MRPS5: variants seen among roughly 807,000 people sequenced by gnomAD.
MRPS5 encodes mitochondrial ribosomal protein S5.
Under a neutral mutation model 51.9 loss-of-function variants are expected in MRPS5, and 27 were observed. That is an observed-to-expected ratio of 0.52 (90% confidence interval 0.38 to 0.72). MRPS5 has a LOEUF of 0.72. Among genes scored for constraint, MRPS5 ranks in the 30% least tolerant of loss-of-function variants. The pLI is 0.00. For synonymous variants in MRPS5, 196 were observed against 193.2 expected (o/e 1.01, Z -0.12); for missense variants, 570 against 545.7 (o/e 1.04, Z -0.44).
At chr2:95,101,621 G>A (rs775482106) in intron 8 of MRPS5, 56 bp downstream of exon 8, 86 of 1,353,002 alleles carry the variant, frequency 6.4e-5, no homozygotes, top group Non-Finnish European at 8.4e-5. Context: ...ACTGTGTCTG[G>A]CATATAACTT....
intron 3 of MRPS5, among the ~76,000 whole-genome samples, chr2:95,113,272 C>T (rs1396638570): frequency 1.5e-4 from 23 of 151,866 alleles, no homozygotes; most frequent in Non-Finnish European, 2.6e-4. Context: ...GTCAGAAGAT[C>T]GAGACCATCC....
intron 10 of MRPS5, among the ~76,000 whole-genome samples, chr2:95,094,299 G>A (rs748838461): frequency 3.3e-5 from 5 of 152,166 alleles, no homozygotes; most frequent in African/African-American, 2.4e-5. Context: ...AACCAAGTTC[G>A]AAAACACTCT....
rs576949849 is a variant in MRPS5, at chr2:95,110,647, C to A, written c.278-606G>T. Among the ~76,000 whole-genome samples, 6 of 152,220 alleles carry A rather than the reference C, an allele frequency of 3.9e-5. No individual in the cohort carries two copies. In the East Asian group the frequency reaches 1.2e-3, roughly 29 times the overall value. The stretch of plus-strand genomic sequence containing the variant: ...TGAGATCCCATCTCTATTAAAACTT[C>A]AAATATTAGCCAGGTGTGATGGCAT... On this transcript the variant is annotated intron_variant, in intron 3 of 11. Coordinates refer to ENST00000272418, the MANE Select transcript of MRPS5 (RefSeq NM_031902.5).
intron 3 of MRPS5, among the ~76,000 whole-genome samples, chr2:95,112,575 CCTT>C (rs1357078181): frequency 6.6e-6 from 1 of 152,178 alleles, no homozygotes; most frequent in Non-Finnish European, 1.5e-5. Context: ...AAAAGTGTGT[CCTT>C]CTATTTCTTG....
At chr2:95,110,724 C>G (rs1361179424) in intron 3 of MRPS5, among the ~76,000 whole-genome samples, 1 of 152,044 alleles carries the variant, frequency 6.6e-6, no homozygotes, top group African/African-American at 2.4e-5. Context: ...GTCACTTGAC[C>G]CCAGGAGTTT....
At chr2:95,100,964 T>C in intron 8 of MRPS5, 70 bp from the exon 9 acceptor site, 1 of 1,344,148 alleles carries the variant, frequency 7.4e-7, no homozygotes, top group Non-Finnish European at 1.0e-6. Flanking sequence ...CAAAAACACT[T>C]TTAATAAAAA....
intron 10 of MRPS5, among the ~76,000 whole-genome samples, chr2:95,094,639 A>G (rs929075704): frequency 3.9e-5 from 6 of 152,216 alleles, no homozygotes; most frequent in African/African-American, 1.4e-4. Flanking sequence ...TAAGCTTCAT[A>G]AGTGAAGGAG....
chr2:95,105,095 T>C lies in MRPS5; in HGVS notation c.673-365A>G, dbSNP rs367705021. Among the ~76,000 whole-genome samples the C allele has an allele frequency of 2.4e-4, 37 of 152,384 alleles. No individual in the cohort carries two copies. The South Asian group carries it at 6.4e-3, about 26-fold the overall frequency. On this transcript the variant is annotated intron_variant, in intron 6 of 11. Transcript: ENST00000272418. ...GTAATTTATCACTGATTATAAGATG[T>C]AGCCCAATGTCAGAGATGTTAAAAT...
intron 5 of MRPS5, chr2:95,106,831 A>C (rs1573341391): frequency 1.1e-5 from 3 of 285,050 alleles, no homozygotes; most frequent in Non-Finnish European, 2.0e-5. Context: ...CAACCCCTTC[A>C]CCCTTTGCTC....
intron 8 of MRPS5, 131 bp downstream of exon 8, chr2:95,101,546 T>C: frequency 1.5e-6 from 1 of 646,030 alleles, no homozygotes; most frequent in Non-Finnish European, 2.6e-6. Flanking sequence ...TATGAGCTAA[T>C]TAACCCTTGA....
intron 5 of MRPS5, among the ~76,000 whole-genome samples, chr2:95,107,889 C>T (rs1675996532): frequency 6.6e-6 from 1 of 152,062 alleles, no homozygotes; most frequent in African/African-American, 2.4e-5. Context: ...AACAGTGTAT[C>T]CTATAGGCAG....
chr2:95,109,259 T>A (rs1408475109), intron 4 of MRPS5, among the ~76,000 whole-genome samples: 1 of 152,144 alleles, frequency 6.6e-6, no homozygotes, highest in African/African-American at 2.4e-5. Context: ...ATGCTGGAAG[T>A]GTGGTGCCAG....
In MRPS5 at chr2:95,100,384, A is replaced by C. The variant is rs1675760191; in HGVS notation, c.931+90T>G. The C allele has an allele frequency of 3.2e-6, 3 of 942,006 alleles. No individual in the cohort carries two copies. The Admixed American group carries it at 7.1e-5, about 22-fold the overall frequency. 58.4% of individuals were successfully genotyped at this position (942,006 alleles called of 1,614,324 possible). ...ATTTTGGTGTTTCCAAGATGAGTTCAACTAAAGATGAACAAAAATAGAGGA... is the reference window on the plus strand; with the variant it reads ...ATTTTGGTGTTTCCAAGATGAGTTCCACTAAAGATGAACAAAAATAGAGGA... On this transcript the variant is annotated intron_variant, in intron 10 of 11. Coordinates refer to ENST00000272418, the MANE Select transcript of MRPS5 (RefSeq NM_031902.5).
chr2:95,086,711 T>C lies in MRPS5; in HGVS notation c.*646A>G, dbSNP rs1487321540. On this transcript the variant is annotated 3_prime_UTR_variant, in exon 12 of 12. Coordinates refer to ENST00000272418, the MANE Select transcript of MRPS5 (RefSeq NM_031902.5). ...TAGGGGGGCTTATATCTAGAAACTA[T>C]AAGGAACTCAATAATAATAAAAAAT... 6.6e-6 allele frequency among the ~76,000 whole-genome samples: 1 copy of C among 152,058 alleles called. No individual in the cohort carries two copies. Among genetic ancestry groups the C allele is most frequent in the East Asian group, 1.9e-4 (1 of 5,194 alleles).
chr2:95,120,479 T>C (rs1676409551), intron 1 of MRPS5, among the ~76,000 whole-genome samples: 3 of 152,136 alleles, frequency 2.0e-5, no homozygotes, highest in Admixed American at 1.3e-4. Flanking sequence ...AAGGTACAGG[T>C]TTTCTTTTTA....
At chr2:95,102,967 CAA>C (rs1558681085) in intron 7 of MRPS5, among the ~76,000 whole-genome samples, 1 of 152,054 alleles carries the variant, frequency 6.6e-6, no homozygotes, top group African/African-American at 2.4e-5. Flanking sequence ...AGACCTGGGA[CAA>C]AAGAGGATGT....
In MRPS5 at chr2:95,087,255, C is replaced by T; in HGVS notation, c.*102G>A. On this transcript the variant is annotated 3_prime_UTR_variant, in exon 12 of 12. Transcript: ENST00000272418. ...CAAAGAGTTTAAAGATTAAACTTCC[C>T]TCAAAACAAACAAAAGGCAAGGTAA... 1.2e-6 allele frequency: 1 copy of T among 846,600 alleles called. No individual in the cohort carries two copies. Among genetic ancestry groups the T allele is most frequent in the Non-Finnish European group, 1.8e-6 (1 of 542,702 alleles). 52.4% of individuals were successfully genotyped at this position (846,600 alleles called of 1,614,324 possible).
chr2:95,117,938 T>TA lies in MRPS5; in HGVS notation c.65dup (p.Leu22PhefsTer64). 1 of 1,594,344 alleles carries TA rather than the reference T, an allele frequency of 6.3e-7. No individual in the cohort carries two copies. The highest frequency in any genetic ancestry group is 8.5e-7 in the Non-Finnish European group (1 of 1,175,244). On this transcript the variant is annotated frameshift_variant, in exon 2 of 12. Transcript: ENST00000272418. LOFTEE classifies it high-confidence loss of function. The stretch of plus-strand genomic sequence containing the variant: ...TGTTTAGGGAACACTGCCTCCCCAA[T>TA]AAATGACCTGCAAATTGGAAAAAAA...
At chr2:95,108,090 A>G in intron 5 of MRPS5, 85 bp downstream of exon 5, 2 of 1,177,828 alleles carry the variant, frequency 1.7e-6, no homozygotes, top group Non-Finnish European at 2.5e-6. Flanking sequence ...TAGTATAAAC[A>G]GACAAGTAAT....
Sources: allele counts gnomAD v4.1 joint callset (sites outside exome capture counted in the v4.1 genomes callset), GRCh38; gene constraint gnomAD v4.1.1; transcripts MANE v1.5; gene names NCBI Gene and HGNC (gene_info 2026-07-23, HGNC 2026-07-21).